Variants in PRELID1 observed in about 807,000 individuals in gnomAD.
The protein encoded by PRELID1 is PRELI domain-containing protein 1, mitochondrial.
A neutral mutation model predicts 29.0 loss-of-function variants in PRELID1; 15 were observed. The observed-to-expected ratio is 0.52, with a 90% CI of 0.35 to 0.80. PRELID1 has a LOEUF of 0.80. PRELID1 is among the 30% of genes least tolerant of loss of function. The pLI is 0.01. For missense variants in PRELID1, 187 were observed against 275.9 expected, an observed-to-expected ratio of 0.68 and a Z score of 2.28; for synonymous variants, 79 against 106.5, an observed-to-expected ratio of 0.74 and a Z score of 1.59.
chr5:177,304,319 T>A, intron 1 of PRELID1: 1 of 597,620 alleles, frequency 1.7e-6, no homozygotes, highest in Non-Finnish European at 3.0e-6. Context: ...GAGGCGGCAG[T>A]ATGGGAGTTG....
At chr5:177,304,098 C>T (rs1336834436) in intron 1 of PRELID1, 21 bp downstream of exon 1, 2 of 1,600,528 alleles carry the variant, frequency 1.2e-6, no homozygotes, top group Non-Finnish European at 1.7e-6. Flanking sequence ...TTTGGAAGAG[C>T]AAAACCGCGC....
rs76950154 is a variant in PRELID1, at chr5:177,305,092, C to T, written c.318+242C>T. 7.6e-3 allele frequency among the ~76,000 whole-genome samples: 1,158 copies of T among 152,270 alleles called. 13 individuals are homozygous for T. Among genetic ancestry groups the T allele is most frequent in the African/African-American group, 0.023 (967 of 41,540 alleles). On this transcript the variant is annotated intron_variant, in intron 2 of 4. Coordinates refer to ENST00000303204, the MANE Select transcript of PRELID1 (RefSeq NM_013237.4). Reference sequence around the variant, plus strand: ...CAGTGGGGGAGGGGTACCTATCTTACGGAGTTGTCCTAAGTTCTAAATGCA... The same window carrying T: ...CAGTGGGGGAGGGGTACCTATCTTATGGAGTTGTCCTAAGTTCTAAATGCA...
chr5:177,306,313 C>T, intron 4 of PRELID1, 109 bp from the exon 5 acceptor site: 1 of 1,582,250 alleles, frequency 6.3e-7, no homozygotes, highest in East Asian at 2.3e-5. Context: ...AGGGTGAATA[C>T]CACCTTTTTA....
intron 2 of PRELID1, 110 bp downstream of exon 2, chr5:177,304,960 G>A (rs924894803): frequency 6.5e-5 from 71 of 1,098,870 alleles, no homozygotes; most frequent in Admixed American, 3.2e-4. Context: ...TTTTGTGGCC[G>A]GAGGCAGGTC....
intron 3 of PRELID1, 50 bp from the exon 4 acceptor site, chr5:177,306,048 C>T (rs1196720447): frequency 8.7e-6 from 14 of 1,600,436 alleles, no homozygotes; most frequent in Non-Finnish European, 1.1e-5. Context: ...TGGGGCTGGG[C>T]TGGGGTCAGT....
At chr5:177,305,364 G>A (rs371414991) in intron 2 of PRELID1, 10 of 193,888 alleles carry the variant, frequency 5.2e-5, no homozygotes, top group East Asian at 2.6e-4. Context: ...ACACCACCAC[G>A]CCTGGCTAAT....
At chr5:177,305,600 C>T in intron 2 of PRELID1, 1 of 463,324 alleles carries the variant, frequency 2.2e-6, no homozygotes, top group Middle Eastern at 5.9e-4. Context: ...AAAACAAAAT[C>T]CAGGAGCAGG....
At position 177,304,703 on chromosome 5, in the gene PRELID1, C is replaced by CA; in HGVS notation, c.173dup (p.Thr59AspfsTer61). ...AACTGCTGTCCCGGCGACTCCTGAC[C>CA]AAGACCAACAGGATGCCACGCTGGG... is the stretch of plus-strand genomic sequence containing the variant. On this transcript the variant is annotated frameshift_variant, in exon 2 of 5. Coordinates refer to ENST00000303204, the MANE Select transcript of PRELID1 (RefSeq NM_013237.4). LOFTEE classifies it high-confidence loss of function. 5.0e-6 allele frequency: 8 copies of CA among 1,614,030 alleles called. No homozygotes were observed. The highest frequency in any genetic ancestry group is 6.8e-6 in the Non-Finnish European group (8 of 1,179,930).
intron 4 of PRELID1, 85 bp downstream of exon 4, chr5:177,306,261 T>G (rs1760871578): frequency 1.3e-6 from 2 of 1,555,616 alleles, no homozygotes; most frequent in East Asian, 4.5e-5. Flanking sequence ...GTCATTGCCC[T>G]GCTCTGAGCT....
Position 177,306,683 on chromosome 5 carries a change from G to A in PRELID1, c.*113G>A, listed in dbSNP as rs1050936178. 2.1e-6 allele frequency: 3 copies of A among 1,436,556 alleles called. No homozygotes were observed. Among genetic ancestry groups the A allele is most frequent in the Non-Finnish European group, 2.8e-6 (3 of 1,067,608 alleles). The allele number at this position is 1,436,556 out of a possible 1,614,324, so 89.0% of individuals were successfully genotyped here. On this transcript the variant is annotated 3_prime_UTR_variant, in exon 5 of 5. Coordinates refer to ENST00000303204, the MANE Select transcript of PRELID1 (RefSeq NM_013237.4). ...TCCAGCCCTGTCTGCTGTCTACGTG[G>A]TGGGTTGTGGGGATGCAGTTTGGCA... is the stretch of plus-strand genomic sequence containing the variant.
At chr5:177,306,350 T>A in intron 4 of PRELID1, 72 bp from the exon 5 acceptor site, 2 of 1,603,652 alleles carry the variant, frequency 1.2e-6, no homozygotes, top group South Asian at 1.1e-5. Context: ...AGGAGATTGG[T>A]GTCATGGGGG....
At chr5:177,306,210 G>GGA (rs771549285) in intron 4 of PRELID1, 34 bp downstream of exon 4, 2 of 1,595,144 alleles carry the variant, frequency 1.3e-6, no homozygotes, top group Non-Finnish European at 1.7e-6. Context: ...TTCCTCATAG[G>GGA]GAGAGGCTCA....
rs1760861756 is a variant in PRELID1, at chr5:177,305,989, G to A, written c.432+5G>A. 6.2e-7 allele frequency: 1 copy of A among 1,613,408 alleles called. No homozygotes were observed. The highest frequency in any genetic ancestry group is 2.2e-5 in the East Asian group (1 of 44,888). ...GGTGTCTCCAGAGCTGTCCAGGTGAGCAGTGTTGTTGGGGCTGCTGGGGCT... is the reference window on the plus strand; with the variant it reads ...GGTGTCTCCAGAGCTGTCCAGGTGAACAGTGTTGTTGGGGCTGCTGGGGCT... On this transcript the variant is annotated splice_donor_5th_base_variant and intron_variant, in intron 3 of 4. Transcript: ENST00000303204.
At chr5:177,304,997 G>A (rs1760823834) in intron 2 of PRELID1, 147 bp downstream of exon 2, 1 of 727,916 alleles carries the variant, frequency 1.4e-6, no homozygotes, top group Non-Finnish European at 2.3e-6. Flanking sequence ...GACAGCTGTA[G>A]AGTATGACCT....
At position 177,306,572 on chromosome 5, in the gene PRELID1, C is replaced by T. The variant is rs1164263009; in HGVS notation, c.*2C>T. 2.5e-6 allele frequency: 4 copies of T among 1,608,602 alleles called. No individual in the cohort carries two copies. Among genetic ancestry groups the T allele is most frequent in the South Asian group, 2.2e-5 (2 of 89,906 alleles). On this transcript the variant is annotated 3_prime_UTR_variant, in exon 5 of 5. Coordinates refer to ENST00000303204, the MANE Select transcript of PRELID1 (RefSeq NM_013237.4). Reference sequence around the variant, plus strand: ...CAGCAGCAGCAACAGTTTGTGTAGCCAGTCTACCACCACCACAGCACCCCA... The same window carrying T: ...CAGCAGCAGCAACAGTTTGTGTAGCTAGTCTACCACCACCACAGCACCCCA...
chr5:177,305,832 T>C, intron 2 of PRELID1, 39 bp from the exon 3 acceptor site: 1 of 1,574,630 alleles, frequency 6.4e-7, no homozygotes, highest in Non-Finnish European at 8.7e-7. Flanking sequence ...GTTGGCAAAA[T>C]GAAAGACTGT....
chr5:177,304,500 A>C, intron 1 of PRELID1, 125 bp from the exon 2 acceptor site: 1 of 839,146 alleles, frequency 1.2e-6, no homozygotes, highest in African/African-American at 1.7e-5. Flanking sequence ...ACCATAGCAC[A>C]TACCACCCTG....
intron 1 of PRELID1, 141 bp downstream of exon 1, chr5:177,304,218 C>T: frequency 1.2e-6 from 1 of 800,780 alleles, no homozygotes; most frequent in Non-Finnish European, 2.0e-6. Context: ...CCAGGCCAGG[C>T]CTGCAAGGTC....
In PRELID1 at chr5:177,306,537, C is replaced by T; in HGVS notation, c.627C>T (p.Thr209=). ...AGGACCTCGCCAGCAAGGCGGCCACCAAGAAGCAGCAGCAGCAGCAACAGT... is the reference window on the plus strand; with the variant it reads ...AGGACCTCGCCAGCAAGGCGGCCACTAAGAAGCAGCAGCAGCAGCAACAGT... ...KAKDLASKAA[T]KKQQQQQQFV is the part of the protein sequence containing the mutation. The change falls in exon 5 of 5, where the codon ACC becomes ACT. Residue 209 remains threonine (T), a synonymous_variant. Transcript: ENST00000303204. 1 of 1,611,772 alleles carries T rather than the reference C, an allele frequency of 6.2e-7. No homozygotes were observed. The highest frequency in any genetic ancestry group is 8.5e-7 in the Non-Finnish European group (1 of 1,179,112).
Sources: allele counts gnomAD v4.1 joint callset (sites outside exome capture counted in the v4.1 genomes callset), GRCh38; gene constraint gnomAD v4.1.1; transcripts MANE v1.5; gene names NCBI Gene and HGNC (gene_info 2026-07-23, HGNC 2026-07-21).